Variants in SH3GL3 observed in about 807,000 individuals in gnomAD.
SH3GL3 encodes the protein endophilin-A3.
In SH3GL3, 33 loss-of-function variants were observed where a neutral mutation model predicts 47.7. That is an observed-to-expected ratio of 0.69 (90% CI 0.52 to 0.92). The LOEUF is 0.92. Among genes scored for constraint, SH3GL3 ranks in the 40% least tolerant of loss-of-function variants. The pLI, the probability that SH3GL3 is intolerant of heterozygous loss-of-function variation, is 0.00. For missense variants in SH3GL3, 363 were observed against 417.8 expected, an observed-to-expected ratio of 0.87 and a Z score of 1.14; for synonymous variants, 155 against 148.8, an observed-to-expected ratio of 1.04 and a Z score of -0.30.
chr15:83,599,320 C>G (rs935914879), intron 8 of SH3GL3, among the ~76,000 whole-genome samples: 3 of 152,056 alleles, frequency 2.0e-5, no homozygotes, highest in African/African-American at 7.2e-5. Flanking sequence ...TACACTGAAC[C>G]CAATTTGTAG....
At chr15:83,549,372 G>A (rs2044552616) in intron 1 of SH3GL3, among the ~76,000 whole-genome samples, 1 of 152,176 alleles carries the variant, frequency 6.6e-6, no homozygotes, top group Non-Finnish European at 1.5e-5. Context: ...AGATTATCTA[G>A]TTTTATTCTG....
At chr15:83,476,315 TA>T (rs1384969121) in intron 1 of SH3GL3, among the ~76,000 whole-genome samples, 5 of 152,222 alleles carry the variant, frequency 3.3e-5, no homozygotes, top group African/African-American at 1.2e-4. Flanking sequence ...TCGCATGAGA[TA>T]AATATTTGTG....
chr15:83,499,707 C>T (rs987286267), intron 1 of SH3GL3, among the ~76,000 whole-genome samples: 16 of 152,070 alleles, frequency 1.1e-4, no homozygotes, highest in African/African-American at 3.9e-4. Flanking sequence ...TGGTAAATAC[C>T]GAGAATTGTG....
At chr15:83,476,950 A>G (rs766826996) in intron 1 of SH3GL3, among the ~76,000 whole-genome samples, 27 of 152,204 alleles carry the variant, frequency 1.8e-4, no homozygotes, top group Admixed American at 2.6e-4. Flanking sequence ...AGGATCCCCA[A>G]TGCTCAACAG....
At chr15:83,529,457 C>T (rs1197818238) in intron 1 of SH3GL3, among the ~76,000 whole-genome samples, 2 of 151,998 alleles carry the variant, frequency 1.3e-5, no homozygotes, top group African/African-American at 4.8e-5. Context: ...TTGTGATGGG[C>T]TGGGTGGCCC....
intron 6 of SH3GL3, 35 bp downstream of exon 6, chr15:83,576,776 A>G (rs774834668): frequency 1.3e-5 from 18 of 1,392,954 alleles, no homozygotes; most frequent in Non-Finnish European, 1.5e-5. Context: ...ATTTTAATGT[A>G]AATGAATGAA....
At chr15:83,489,862 G>C (rs1944637433) in intron 1 of SH3GL3, among the ~76,000 whole-genome samples, 1 of 150,358 alleles carries the variant, frequency 6.7e-6, no homozygotes, top group Admixed American at 6.6e-5. Flanking sequence ...TAGATAGATA[G>C]ATAGATAGAT....
intron 1 of SH3GL3, among the ~76,000 whole-genome samples, chr15:83,463,817 G>A (rs367973590): frequency 1.4e-5 from 2 of 140,240 alleles, no homozygotes; most frequent in East Asian, 4.2e-4. Context: ...CACCCAGGCT[G>A]GAGTGCAGTG....
chr15:83,549,310 C>T (rs922386973), intron 1 of SH3GL3, among the ~76,000 whole-genome samples: 2 of 152,238 alleles, frequency 1.3e-5, no homozygotes, highest in Admixed American at 6.5e-5. Flanking sequence ...TTGAATGGCA[C>T]ATATTGTGTG....
intron 8 of SH3GL3, among the ~76,000 whole-genome samples, chr15:83,593,977 C>G (rs889610960): frequency 6.6e-6 from 1 of 152,156 alleles, no homozygotes; most frequent in Admixed American, 6.5e-5. Context: ...CACCACCAAG[C>G]CTGGCTAATT....
intron 8 of SH3GL3, among the ~76,000 whole-genome samples, chr15:83,605,210 G>C (rs746178480): frequency 4.6e-5 from 7 of 152,140 alleles, no homozygotes; most frequent in South Asian, 2.1e-4. Context: ...TCTTTTGCCT[G>C]TGCCTGTCCC....
chr15:83,557,103 T>C (rs547154305), intron 1 of SH3GL3, among the ~76,000 whole-genome samples: 1 of 152,106 alleles, frequency 6.6e-6, no homozygotes, highest in African/African-American at 2.4e-5. Context: ...CGTGGAAAAA[T>C]AGACTTCTTA....
chr15:83,481,859 A>G (rs555773641), intron 1 of SH3GL3, among the ~76,000 whole-genome samples: 27 of 152,338 alleles, frequency 1.8e-4, no homozygotes, highest in African/African-American at 6.5e-4. Context: ...TCTACTTGAA[A>G]GGCAAATATT....
chr15:83,607,840 A>AAATAATAATAATAAT lies in SH3GL3; in HGVS notation c.839-10216_839-10202dup, dbSNP rs60113695. Among the ~76,000 whole-genome samples the AAATAATAATAATAAT allele has an allele frequency of 3.2e-3, 453 of 142,938 alleles. 1 individual carries two copies. The highest frequency in any genetic ancestry group is 5.8e-3 in the South Asian group (25 of 4,280). The allele number at this position is 142,938 out of a possible 152,430, so 93.8% of individuals were successfully genotyped here. ...TCCATTTTCCAGAACTCAGAGTGGC[A>AAATAATAATAATAAT]AATAATAATAATAATAATAATAATA... On this transcript the variant is annotated intron_variant, in intron 8 of 8. Transcript: ENST00000427482.
intron 1 of SH3GL3, among the ~76,000 whole-genome samples, chr15:83,532,890 A>C (rs924544574): frequency 3.3e-5 from 5 of 152,216 alleles, no homozygotes; most frequent in African/African-American, 1.2e-4. Context: ...AGTAATTTCC[A>C]AGAAATCCCC....
At chr15:83,504,039 T>C (rs571233131) in intron 1 of SH3GL3, among the ~76,000 whole-genome samples, 19 of 152,358 alleles carry the variant, frequency 1.2e-4, no homozygotes, top group Non-Finnish European at 2.5e-4. Flanking sequence ...TGTTTGTCTT[T>C]TACTGGTTTC....
At chr15:83,607,079 C>T (rs763396697) in intron 8 of SH3GL3, among the ~76,000 whole-genome samples, 1 of 152,194 alleles carries the variant, frequency 6.6e-6, no homozygotes, top group East Asian at 1.9e-4. Flanking sequence ...TGTAATTATT[C>T]TGAACAGTCT....
chr15:83,504,037 T>G (rs1012541756), intron 1 of SH3GL3, among the ~76,000 whole-genome samples: 2 of 152,242 alleles, frequency 1.3e-5, no homozygotes, highest in African/African-American at 4.8e-5. Context: ...GGTGTTTGTC[T>G]TTTACTGGTT....
intron 7 of SH3GL3, among the ~76,000 whole-genome samples, chr15:83,588,460 A>G (rs1377585457): frequency 1.3e-5 from 2 of 152,190 alleles, no homozygotes; most frequent in Non-Finnish European, 2.9e-5. Flanking sequence ...TTCACTCACA[A>G]GCTCAAATAG....
Sources: gnomAD v4.1 joint callset for allele counts (sites outside exome capture counted in the v4.1 genomes callset) on GRCh38, gnomAD v4.1.1 for gene constraint, MANE v1.5 for transcripts, NCBI Gene and HGNC (gene_info 2026-07-23, HGNC 2026-07-21) for gene names.